The following NEGR1 variants were observed in gnomAD, a reference collection of about 807,000 sequenced individuals.
The protein encoded by NEGR1 is IgLON family member 4.
NEGR1 carries 10 observed loss-of-function variants against 40.9 expected under a neutral mutation model. That is an observed-to-expected ratio of 0.24 (90% CI 0.15 to 0.42). The LOEUF is 0.42. Among genes scored for constraint, NEGR1 ranks in the 10% least tolerant of loss-of-function variants. The pLI is 1.00. For missense variants in NEGR1, 352 were observed against 438.9 expected (o/e 0.80, Z 1.77); for synonymous variants, 185 against 166.8 (o/e 1.11, Z -0.84).
At chr1:71,592,174 T>C (rs1649521567) in intron 6 of NEGR1, among the ~76,000 whole-genome samples, 1 of 152,114 alleles carries the variant, frequency 6.6e-6, no homozygotes, top group African/African-American at 2.4e-5. Context: ...GGAGGAAACA[T>C]TCATGGAGGT....
chr1:72,233,999 T>G (rs946166822), intron 1 of NEGR1, among the ~76,000 whole-genome samples: 5 of 152,156 alleles, frequency 3.3e-5, no homozygotes, highest in Non-Finnish European at 7.3e-5. Flanking sequence ...TCTTTTATTT[T>G]AAGTTCAGGG....
chr1:72,006,450 A>G (rs531613557), intron 1 of NEGR1, among the ~76,000 whole-genome samples: 44 of 152,282 alleles, frequency 2.9e-4, no homozygotes, highest in African/African-American at 1.0e-3. Flanking sequence ...ATTTTCCTCT[A>G]TAAGTGTCAG....
chr1:71,539,631 C>A (rs867841086), intron 6 of NEGR1, among the ~76,000 whole-genome samples: 1 of 151,568 alleles, frequency 6.6e-6, no homozygotes, highest in East Asian at 2.0e-4. Context: ...TATATATATA[C>A]CTCCAGTATT....
intron 2 of NEGR1, among the ~76,000 whole-genome samples, chr1:71,887,056 T>G (rs1660743114): frequency 6.6e-6 from 1 of 152,242 alleles, no homozygotes; most frequent in South Asian, 2.1e-4. Context: ...AGCAGTTGAT[T>G]TAAATGTATT....
At chr1:71,459,501 G>C (rs568633441) in intron 6 of NEGR1, among the ~76,000 whole-genome samples, 1 of 152,256 alleles carries the variant, frequency 6.6e-6, no homozygotes, top group South Asian at 2.1e-4. Flanking sequence ...TGATGATCTA[G>C]TCCTAACTTA....
At position 71,756,423 on chromosome 1, in the gene NEGR1, A is replaced by C. The variant is rs1240583324; in HGVS notation, c.535+19749T>G. Among the ~76,000 whole-genome samples the C allele has an allele frequency of 5.9e-5, 8 of 135,026 alleles. No homozygotes were observed. In the South Asian group the frequency reaches 7.0e-4, roughly 12 times the overall value. The allele number at this position is 135,026 out of a possible 152,430, so 88.6% of individuals were successfully genotyped here. On this transcript the variant is annotated intron_variant, in intron 3 of 6. Transcript: ENST00000357731. ...AAACAAAAACAAACAAAAAAAAAAA[A>C]CCAAAAAAAACCACATCAGGCCTCT...
At chr1:71,463,995 A>G (rs906899104) in intron 6 of NEGR1, among the ~76,000 whole-genome samples, 1 of 152,174 alleles carries the variant, frequency 6.6e-6, no homozygotes, top group African/African-American at 2.4e-5. Context: ...GCATTTCTTC[A>G]TGGAAAAGGT....
chr1:72,121,582 G>A (rs1198330932), intron 1 of NEGR1, among the ~76,000 whole-genome samples: 3 of 151,848 alleles, frequency 2.0e-5, no homozygotes, highest in Non-Finnish European at 4.4e-5. Context: ...AAGTAGAATA[G>A]ACCCTCTTTT....
intron 1 of NEGR1, among the ~76,000 whole-genome samples, chr1:72,171,577 A>C: frequency 6.6e-6 from 1 of 152,174 alleles, no homozygotes; most frequent in East Asian, 1.9e-4. Context: ...TGTTACTTTA[A>C]ATGATTTCCT....
chr1:71,579,164 T>C (rs1055907644), intron 6 of NEGR1, among the ~76,000 whole-genome samples: 1 of 152,204 alleles, frequency 6.6e-6, no homozygotes, highest in African/African-American at 2.4e-5. Context: ...GAAGCTAGCA[T>C]CTGCCTTTCT....
At chr1:71,535,467 T>C (rs1557558470) in intron 6 of NEGR1, among the ~76,000 whole-genome samples, 1 of 151,754 alleles carries the variant, frequency 6.6e-6, no homozygotes, top group Non-Finnish European at 1.5e-5. Flanking sequence ...TTTAAAAGAA[T>C]ACAGGAATTT....
chr1:71,974,192 A>G (rs983814126), intron 1 of NEGR1, among the ~76,000 whole-genome samples: 4 of 152,170 alleles, frequency 2.6e-5, no homozygotes, highest in African/African-American at 9.7e-5. Flanking sequence ...GACATTCACA[A>G]CTGTTCATTG....
chr1:71,877,085 C>T (rs576599678), intron 2 of NEGR1, among the ~76,000 whole-genome samples: 22 of 150,922 alleles, frequency 1.5e-4, no homozygotes, highest in Admixed American at 5.3e-4. Context: ...GTGAGGGTTG[C>T]GAGTGGGAGC....
intron 1 of NEGR1, among the ~76,000 whole-genome samples, chr1:72,048,295 C>A (rs1002740360): frequency 6.6e-6 from 1 of 151,628 alleles, no homozygotes; most frequent in Non-Finnish European, 1.5e-5. Context: ...TTGGAAGCAA[C>A]TTTAGAGTTT....
chr1:71,669,525 A>T (rs1340515169), intron 4 of NEGR1, among the ~76,000 whole-genome samples: 1 of 152,182 alleles, frequency 6.6e-6, no homozygotes, highest in Admixed American at 6.5e-5. Flanking sequence ...TCAAGCTTGC[A>T]GCCTTGAATT....
intron 3 of NEGR1, among the ~76,000 whole-genome samples, 199 bp from the exon 4 acceptor site, chr1:71,698,338 C>A (rs1466374438): frequency 1.3e-5 from 2 of 151,826 alleles, no homozygotes; most frequent in East Asian, 3.9e-4. Flanking sequence ...TATATTATAA[C>A]AACTATTTCC....
chr1:71,413,326 C>CAAAA (rs1325804531), intron 6 of NEGR1, among the ~76,000 whole-genome samples: 1 of 152,148 alleles, frequency 6.6e-6, no homozygotes, highest in Non-Finnish European at 1.5e-5. Context: ...AGGCAATGAG[C>CAAAA]AAAACAGAAA....
chr1:71,726,660 T>C (rs952341592), intron 3 of NEGR1, among the ~76,000 whole-genome samples: 19 of 152,076 alleles, frequency 1.2e-4, no homozygotes, highest in African/African-American at 4.6e-4. Flanking sequence ...TGAGGCTTCT[T>C]CTTTCCAGCA....
intron 1 of NEGR1, among the ~76,000 whole-genome samples, chr1:72,187,383 T>C (rs771441906): frequency 4.0e-5 from 6 of 151,510 alleles, no homozygotes; most frequent in Non-Finnish European, 1.5e-5. Context: ...ATTCAAAATA[T>C]GTTTAGTATT....
Sources: allele counts gnomAD v4.1 joint callset (sites outside exome capture counted in the v4.1 genomes callset), GRCh38; gene constraint gnomAD v4.1.1; transcripts MANE v1.5; gene names NCBI Gene and HGNC (gene_info 2026-07-23, HGNC 2026-07-21).